DNAAF9: variants seen among roughly 807,000 people sequenced by gnomAD.
The protein encoded by DNAAF9 is shulin.
DNAAF9 carries 90 observed loss-of-function variants against 167.0 expected under a neutral mutation model. That is an observed-to-expected ratio of 0.54 (90% CI 0.45 to 0.64). The LOEUF is 0.64. Among genes scored for constraint, DNAAF9 ranks in the 30% least tolerant of loss-of-function variants. DNAAF9 has a pLI of 0.00. For missense variants in DNAAF9, 1,315 were observed against 1,442.2 expected, an observed-to-expected ratio of 0.91 and a Z score of 1.43; for synonymous variants, 491 against 508.8, an observed-to-expected ratio of 0.96 and a Z score of 0.47.
At position 3,259,998 on chromosome 20, in the gene DNAAF9, GA is replaced by G. The variant is rs2068352556; in HGVS notation, c.2903del (p.Val968AlafsTer4). On this transcript the variant is annotated frameshift_variant, in exon 32 of 37. Coordinates refer to ENST00000252032, the MANE Select transcript of DNAAF9 (RefSeq NM_001009984.3). LOFTEE classifies it high-confidence loss of function. The stretch of plus-strand genomic sequence containing the variant: ...CGCAGATCTGAACCATTAGGGGATA[GA>G]CTGATCCAGCATTCAATTTACCTTC... Reference protein sequence around the residue: ...WYEGKLNAGSVYPLMVQICVW... With the variant: ...WYEGKLNAGSXYPLMVQICVW... 8 of 1,611,556 alleles carry G rather than the reference GA, an allele frequency of 5.0e-6. No homozygotes were observed.
chr20:3,375,680 C>T (rs772714821), intron 4 of DNAAF9, among the ~76,000 whole-genome samples: 1 of 152,002 alleles, frequency 6.6e-6, no homozygotes, highest in Non-Finnish European at 1.5e-5. Flanking sequence ...ACCAATGTAA[C>T]AAAACTCCGT....
chr20:3,377,873 A>G (rs6084358), intron 3 of DNAAF9, among the ~76,000 whole-genome samples: 59,033 of 151,966 alleles, frequency 0.39, 11,820 homozygotes, highest in Middle Eastern at 0.55. Context: ...TCGTTTTTCA[A>G]GTTTACTTTG....
At chr20:3,361,417 T>C (rs2083362653) in intron 6 of DNAAF9, among the ~76,000 whole-genome samples, 1 of 152,176 alleles carries the variant, frequency 6.6e-6, no homozygotes, top group African/African-American at 2.4e-5. Context: ...TCCCACAGGC[T>C]GCGACCTGAA....
intron 27 of DNAAF9, among the ~76,000 whole-genome samples, chr20:3,284,116 C>T (rs2068808554): frequency 6.6e-6 from 1 of 151,804 alleles, no homozygotes; most frequent in Non-Finnish European, 1.5e-5. Flanking sequence ...GTGAGGCCTC[C>T]AGACAGAAAG....
chr20:3,330,791 C>CTT (rs34084211), intron 11 of DNAAF9, 109 bp from the exon 12 acceptor site: 52,136 of 405,504 alleles, frequency 0.13, 2,015 homozygotes, highest in African/African-American at 0.15. Context: ...AAGAACTACA[C>CTT]TTTTTTTTTT....
At chr20:3,265,913 C>T (rs1304348467) in intron 30 of DNAAF9, among the ~76,000 whole-genome samples, 3 of 152,104 alleles carry the variant, frequency 2.0e-5, no homozygotes, top group Non-Finnish European at 4.4e-5. Context: ...CTCCTGACCC[C>T]AGGTGATCCG....
chr20:3,290,076 C>A, intron 26 of DNAAF9, 53 bp downstream of exon 26: 1 of 1,157,564 alleles, frequency 8.6e-7, no homozygotes, highest in Non-Finnish European at 1.3e-6. Context: ...AGTGCCTAGG[C>A]AGGCCCAAGT....
intron 28 of DNAAF9, among the ~76,000 whole-genome samples, chr20:3,279,350 T>G (rs562717403): frequency 1.3e-4 from 20 of 152,368 alleles, no homozygotes; most frequent in African/African-American, 4.8e-4. Context: ...AAAGCTGCCA[T>G]GCTTCTCTTT....
At chr20:3,274,060 C>T (rs2068637839) in intron 29 of DNAAF9, among the ~76,000 whole-genome samples, 1 of 152,120 alleles carries the variant, frequency 6.6e-6, no homozygotes, top group Non-Finnish European at 1.5e-5. Flanking sequence ...GCTCTCTCCC[C>T]TTCTCTGAAC....
intron 1 of DNAAF9, among the ~76,000 whole-genome samples, chr20:3,392,574 G>C (rs1306117316): frequency 2.6e-5 from 4 of 152,186 alleles, no homozygotes; most frequent in Non-Finnish European, 5.9e-5. Context: ...AATAAAGCCA[G>C]TCGTGGGTAC....
At chr20:3,255,952 C>T in intron 34 of DNAAF9, 54 bp downstream of exon 34, 4 of 1,396,888 alleles carry the variant, frequency 2.9e-6, no homozygotes, top group Admixed American at 3.5e-5. Flanking sequence ...CCAACAGCAG[C>T]TCTGAGGTGT....
chr20:3,274,329 G>A (rs957660602), intron 29 of DNAAF9, among the ~76,000 whole-genome samples: 2 of 152,112 alleles, frequency 1.3e-5, no homozygotes, highest in Admixed American at 1.3e-4. Context: ...TTTTAGTAGA[G>A]ATGGGGTTTC....
chr20:3,404,341 A>C (rs2084027718), intron 1 of DNAAF9, among the ~76,000 whole-genome samples: 3 of 151,996 alleles, frequency 2.0e-5, no homozygotes, highest in African/African-American at 7.2e-5. Context: ...CAGCCTGATT[A>C]CTAGTTCTCA....
In DNAAF9 at chr20:3,256,063, G is replaced by A. The variant is rs754781920; in HGVS notation, c.3204C>T (p.Ile1068=). Reference sequence around the variant, plus strand: ...TGCTGTCTTCCTTCAGGGAGCAGCCGATGAACACAAGGTAGCACTCCTGCT... The same window carrying A: ...TGCTGTCTTCCTTCAGGGAGCAGCCAATGAACACAAGGTAGCACTCCTGCT... The part of the protein sequence containing the change: ...SGQQECYLVF[I]GCSLKEDSIK... The change falls in exon 34 of 37, where the codon ATC becomes ATT. Residue 1068 remains isoleucine (I), a synonymous_variant. Transcript: ENST00000252032. 3.7e-6 allele frequency: 6 copies of A among 1,613,932 alleles called. No homozygotes were observed. The highest frequency in any genetic ancestry group is 1.7e-5 in the Admixed American group (1 of 59,992).
At position 3,294,525 on chromosome 20, in the gene DNAAF9, TA is replaced by T; in HGVS notation, c.2120+2del. ...AACATCTATAAACAGAACCAGAGCT[TA>T]CCAGTCCAGCTCTGGGAGTTTGGCT... On this transcript the variant is annotated splice_donor_variant, in intron 24 of 36. Transcript: ENST00000252032. LOFTEE classifies it high-confidence loss of function. The T allele has an allele frequency of 2.5e-6, 4 of 1,578,266 alleles. No individual in the cohort carries two copies. The highest frequency in any genetic ancestry group is 3.5e-6 in the Non-Finnish European group (4 of 1,147,398).
chr20:3,324,853 A>G, intron 14 of DNAAF9, 39 bp downstream of exon 14: 1 of 1,051,026 alleles, frequency 9.5e-7, no homozygotes, highest in East Asian at 2.4e-5. Context: ...CAAAACGAAG[A>G]AAAAAAATTC....
At chr20:3,253,678 G>T in intron 36 of DNAAF9, 48 bp downstream of exon 36, 2 of 1,140,078 alleles carry the variant, frequency 1.8e-6, no homozygotes, top group Non-Finnish European at 2.7e-6. Context: ...CACACTCCCA[G>T]CCTCACTGCC....
Position 3,316,759 on chromosome 20 carries a change from G to T in DNAAF9, c.1503C>A (p.Val501=). The stretch of plus-strand genomic sequence containing the variant: ...AGAATCTGGGTACAGCAGCAGTCAG[G>T]ACTACGGAGCTGGTTTCTGTGGTAA... ...GTVTTETSSV[V]LTAAVPRFCS... Residue 501 remains valine (V), a synonymous_variant, in exon 18 of 37, where the codon GTC becomes GTA. Coordinates refer to ENST00000252032, the MANE Select transcript of DNAAF9 (RefSeq NM_001009984.3). 6.2e-7 allele frequency: 1 copy of T among 1,613,808 alleles called. No homozygotes were observed. The highest frequency in any genetic ancestry group is 8.5e-7 in the Non-Finnish European group (1 of 1,179,762).
At chr20:3,275,642 T>C (rs950496569) in intron 29 of DNAAF9, among the ~76,000 whole-genome samples, 1 of 152,222 alleles carries the variant, frequency 6.6e-6, no homozygotes, top group Non-Finnish European at 1.5e-5. Flanking sequence ...CAAGAGGAAA[T>C]GCCATCTGTG....
Sources: gnomAD v4.1 joint callset for allele counts (sites outside exome capture counted in the v4.1 genomes callset) on GRCh38, gnomAD v4.1.1 for gene constraint, MANE v1.5 for transcripts, NCBI Gene and HGNC (gene_info 2026-07-23, HGNC 2026-07-21) for gene names.